The following PCSK2 variants were observed in gnomAD, a reference collection of about 807,000 sequenced individuals.
PCSK2 encodes proprotein convertase subtilisin/kexin type 2.
PCSK2 carries 14 observed loss-of-function variants against 69.7 expected under a neutral mutation model. That is an observed-to-expected ratio of 0.20 (90% CI 0.13 to 0.31). The LOEUF is 0.31. PCSK2 is among the 10% of genes least tolerant of loss of function. The pLI, the probability that PCSK2 is intolerant of heterozygous loss-of-function variation, is 1.00. For synonymous variants in PCSK2, 307 were observed against 320.7 expected, an observed-to-expected ratio of 0.96 and a Z score of 0.46; for missense variants, 544 against 842.5, an observed-to-expected ratio of 0.65 and a Z score of 4.39.
chr20:17,428,997 CAAAAAAAAAAAAAAA>C lies in PCSK2; in HGVS notation c.621-420_621-406del, dbSNP rs60206058. ...CTGGGTGACCGAGGAGACTCTGTCT[CAAAAAAAAAAAAAAA>C]AAAAAAAAAAAAAAAAAGAATAAAT... On this transcript the variant is annotated intron_variant, in intron 6 of 11. Transcript: ENST00000262545. Among the ~76,000 whole-genome samples the C allele has an allele frequency of 1.5e-3, 56 of 36,960 alleles. 1 individual carries two copies. The highest frequency in any genetic ancestry group is 0.033 in the Middle Eastern group (1 of 30). 24.2% of individuals were successfully genotyped at this position (36,960 alleles called of 152,430 possible).
At chr20:17,435,683 G>A (rs533002182) in intron 7 of PCSK2, among the ~76,000 whole-genome samples, 39 of 152,220 alleles carry the variant, frequency 2.6e-4, no homozygotes, top group African/African-American at 8.7e-4. Flanking sequence ...TTCCATAATC[G>A]CAGTGGGTGG....
intron 2 of PCSK2, among the ~76,000 whole-genome samples, chr20:17,301,120 T>A (rs750425785): frequency 9.9e-5 from 15 of 152,226 alleles, no homozygotes; most frequent in Non-Finnish European, 2.1e-4. Flanking sequence ...GACACTAGGA[T>A]TGCAGACCAT....
rs576045728 is a variant in PCSK2, at chr20:17,447,753, T to C, written c.886-5989T>C. Among the ~76,000 whole-genome samples, 743 of 152,260 alleles carry C rather than the reference T, an allele frequency of 4.9e-3. 2 individuals are homozygous for C. Among genetic ancestry groups the C allele is most frequent in the South Asian group, 8.3e-3 (40 of 4,826 alleles). ...CATTCCATGTACATTCAAGAAGAGG[T>C]GTAAATAAATTGCGGAATGGCTATT... On this transcript the variant is annotated intron_variant, in intron 8 of 11. Coordinates refer to ENST00000262545, the MANE Select transcript of PCSK2 (RefSeq NM_002594.5).
At chr20:17,271,608 G>C (rs6111477) in intron 2 of PCSK2, among the ~76,000 whole-genome samples, 21,940 of 151,894 alleles carry the variant, frequency 0.14, 2,151 homozygotes, top group East Asian at 0.48. Context: ...ACACAACAGA[G>C]AGTGGTGGGG....
intron 5 of PCSK2, among the ~76,000 whole-genome samples, chr20:17,373,885 A>G (rs1175453809): frequency 8.5e-5 from 13 of 152,230 alleles, no homozygotes; most frequent in Admixed American, 8.5e-4. Context: ...TTGGGAGTAA[A>G]GGATAATAAC....
intron 6 of PCSK2, among the ~76,000 whole-genome samples, chr20:17,420,122 G>A (rs2032089694): frequency 2.0e-5 from 3 of 152,090 alleles, no homozygotes; most frequent in Admixed American, 2.0e-4. Context: ...GGTTTTCTGG[G>A]ATTAACTTTT....
chr20:17,425,737 G>A (rs1351633104), intron 6 of PCSK2, among the ~76,000 whole-genome samples: 1 of 152,212 alleles, frequency 6.6e-6, no homozygotes, highest in South Asian at 2.1e-4. Context: ...TCTAAGCAGT[G>A]ATTAGGGGAT....
rs150949550 is a variant in PCSK2, at chr20:17,391,846, G to A, written c.544-17417G>A. On this transcript the variant is annotated intron_variant, in intron 5 of 11. Coordinates refer to ENST00000262545, the MANE Select transcript of PCSK2 (RefSeq NM_002594.5). ...TGATTACACCACTGCACTCCAGCCT[G>A]AGTGACAGAGTGATACCATGTGAAA... Among the ~76,000 whole-genome samples the A allele has an allele frequency of 9.0e-4, 136 of 150,586 alleles. 4 individuals are homozygous for A. The East Asian group carries it at 0.021, about 23-fold the overall frequency.
intron 2 of PCSK2, among the ~76,000 whole-genome samples, chr20:17,278,918 G>T (rs1450186927): frequency 2.0e-5 from 3 of 151,472 alleles, no homozygotes; most frequent in Non-Finnish European, 4.4e-5. Flanking sequence ...TTGTCTAATA[G>T]TTTCCTAAAT....
intron 2 of PCSK2, among the ~76,000 whole-genome samples, chr20:17,341,956 T>G (rs1262120972): frequency 1.3e-5 from 2 of 152,240 alleles, no homozygotes; most frequent in African/African-American, 4.8e-5. Context: ...CTGCTTCAGC[T>G]GCTGTTCAGT....
chr20:17,412,100 C>T (rs959468695), intron 6 of PCSK2, among the ~76,000 whole-genome samples: 4 of 152,170 alleles, frequency 2.6e-5, no homozygotes, highest in Non-Finnish European at 4.4e-5. Flanking sequence ...GCTGAAAATT[C>T]TAAAAAACGA....
intron 2 of PCSK2, among the ~76,000 whole-genome samples, chr20:17,302,019 T>C (rs1204475207): frequency 2.6e-5 from 4 of 152,134 alleles, no homozygotes; most frequent in Non-Finnish European, 5.9e-5. Flanking sequence ...AGTCAAAGTG[T>C]GTGAACCCAG....
At chr20:17,368,787 C>T (rs935805295) in intron 4 of PCSK2, among the ~76,000 whole-genome samples, 1 of 152,196 alleles carries the variant, frequency 6.6e-6, no homozygotes, top group Admixed American at 6.5e-5. Flanking sequence ...ACCATTTGCC[C>T]TTTACCTAAT....
At chr20:17,367,249 A>G (rs2030620625) in intron 4 of PCSK2, among the ~76,000 whole-genome samples, 1 of 152,178 alleles carries the variant, frequency 6.6e-6, no homozygotes, top group African/African-American at 2.4e-5. Flanking sequence ...ATATTTTTTA[A>G]TGTTTCTTTT....
chr20:17,401,436 TCCCGTTCATGAGGGCTCCA>T (rs1232890326), intron 5 of PCSK2, among the ~76,000 whole-genome samples: 3 of 152,064 alleles, frequency 2.0e-5, no homozygotes, highest in Admixed American at 6.5e-5. Context: ...AGGGCACTAA[TCCCGTTCATGAGGGCTCCA>T]CCCTCATGAC....
chr20:17,282,632 CA>C (rs1387976491), intron 2 of PCSK2, among the ~76,000 whole-genome samples: 1 of 151,460 alleles, frequency 6.6e-6, no homozygotes, highest in African/African-American at 2.4e-5. Context: ...GCCTAAAAAA[CA>C]GCCACATTAA....
In PCSK2 at chr20:17,397,486, A is replaced by ATT. The variant is rs11481580; in HGVS notation, c.544-11767_544-11766dup. ...TACCAGAAGCACAAAAATTCAATAT[A>ATT]TTTTTTTTTTTGAGATGGAGTCTCA... On this transcript the variant is annotated intron_variant, in intron 5 of 11. Transcript: ENST00000262545. Among the ~76,000 whole-genome samples, 1,099 of 147,996 alleles carry ATT rather than the reference A, an allele frequency of 7.4e-3. 16 individuals carry two copies. Among genetic ancestry groups the ATT allele is most frequent in the African/African-American group, 0.022 (876 of 39,570 alleles).
chr20:17,322,894 C>G (rs1018083598), intron 2 of PCSK2, among the ~76,000 whole-genome samples: 1 of 152,112 alleles, frequency 6.6e-6, no homozygotes, highest in African/African-American at 2.4e-5. Flanking sequence ...AGATGGAGTT[C>G]ACTCTGTCAC....
intron 2 of PCSK2, among the ~76,000 whole-genome samples, chr20:17,295,033 A>C (rs1388578605): frequency 6.6e-6 from 1 of 152,032 alleles, no homozygotes; most frequent in Non-Finnish European, 1.5e-5. Context: ...TTAAATCTGG[A>C]ATTTTAATAG....
Sources: gnomAD v4.1 joint callset for allele counts (sites outside exome capture counted in the v4.1 genomes callset) on GRCh38, gnomAD v4.1.1 for gene constraint, MANE v1.5 for transcripts, NCBI Gene and HGNC (gene_info 2026-07-23, HGNC 2026-07-21) for gene names.